ADAM10: variants seen among roughly 807,000 people sequenced by gnomAD.
ADAM10 encodes the protein ADAM metallopeptidase domain 10, also known as disintegrin and metalloproteinase domain-containing protein 10.
ADAM10 carries 17 observed loss-of-function variants against 90.1 expected under a neutral mutation model. The observed-to-expected ratio is 0.19, with a 90% CI of 0.13 to 0.28. The LOEUF is 0.28. Among genes scored for constraint, ADAM10 ranks in the 10% least tolerant of loss-of-function variants. The pLI is 1.00. For missense variants in ADAM10, 610 were observed against 914.3 expected, an observed-to-expected ratio of 0.67 and a Z score of 4.29; for synonymous variants, 310 against 298.6, an observed-to-expected ratio of 1.04 and a Z score of -0.40.
At chr15:58,617,199 C>G (rs974348942) in intron 11 of ADAM10, among the ~76,000 whole-genome samples, 1 of 151,932 alleles carries the variant, frequency 6.6e-6, no homozygotes, top group African/African-American at 2.4e-5. Context: ...AATCCATTAA[C>G]TAGACAAGGA....
chr15:58,625,802 C>T (rs1252949822), intron 10 of ADAM10, among the ~76,000 whole-genome samples: 1 of 152,110 alleles, frequency 6.6e-6, no homozygotes, highest in African/African-American at 2.4e-5. Context: ...ACATACATAC[C>T]ATGGAATACT....
intron 2 of ADAM10, among the ~76,000 whole-genome samples, chr15:58,701,971 C>T (rs1033916528): frequency 2.6e-5 from 4 of 151,754 alleles, no homozygotes; most frequent in African/African-American, 9.7e-5. Context: ...CCAGGCGTGG[C>T]GGCGCACACC....
intron 8 of ADAM10, among the ~76,000 whole-genome samples, chr15:58,634,390 ATTATGATTGTTCCAGTATGTCT>A (rs1896192277): frequency 6.6e-6 from 1 of 152,150 alleles, no homozygotes; most frequent in Non-Finnish European, 1.5e-5. Context: ...TAAAAACTGA[ATTATGATTGTTCCAGTATGTCT>A]TTAGGACACT....
intron 12 of ADAM10, chr15:58,611,388 T>G (rs1278780782): frequency 2.4e-6 from 1 of 413,670 alleles, no homozygotes; most frequent in African/African-American, 2.0e-5. Context: ...ATCGATTTTA[T>G]GTTGGTTATT....
Position 58,597,181 on chromosome 15 carries a change from A to G in ADAM10, c.*366T>C, listed in dbSNP as rs200586511. 1 of 568,886 alleles carries G rather than the reference A, an allele frequency of 1.8e-6. No homozygotes were observed. Among genetic ancestry groups the G allele is most frequent in the Non-Finnish European group, 3.0e-6 (1 of 331,102 alleles). The allele number at this position is 568,886 out of a possible 1,614,324, so 35.2% of individuals were successfully genotyped here. Reference sequence around the variant, plus strand: ...GCCTTGATTGGCAGTTGAAAAAAATATATTTATTTCAATTTGTGGTAAAAG... The same window carrying G: ...GCCTTGATTGGCAGTTGAAAAAAATGTATTTATTTCAATTTGTGGTAAAAG... On this transcript the variant is annotated 3_prime_UTR_variant, in exon 16 of 16. Transcript: ENST00000260408.
intron 14 of ADAM10, among the ~76,000 whole-genome samples, chr15:58,605,405 A>T (rs1352076726): frequency 6.6e-6 from 1 of 152,200 alleles, no homozygotes; most frequent in Non-Finnish European, 1.5e-5. Flanking sequence ...CAAAATAAAT[A>T]GTGCATCTGA....
intron 2 of ADAM10, chr15:58,693,144 C>A (rs764143653): frequency 1.4e-6 from 1 of 735,878 alleles, no homozygotes; most frequent in South Asian, 1.3e-5. Flanking sequence ...CAATTTCTGC[C>A]TAAAAGGCAA....
chr15:58,734,557 G>A (rs1270093737), intron 1 of ADAM10, among the ~76,000 whole-genome samples: 25 of 152,006 alleles, frequency 1.6e-4, no homozygotes, highest in African/African-American at 5.5e-4. Context: ...AAAATCAGCC[G>A]GGCACGGTGG....
chr15:58,635,200 AG>A (rs1896215018), intron 8 of ADAM10, among the ~76,000 whole-genome samples: 2 of 146,658 alleles, frequency 1.4e-5, no homozygotes, highest in African/African-American at 2.5e-5. Flanking sequence ...GCGTGAACCC[AG>A]GAAGTGGAGC....
intron 2 of ADAM10, among the ~76,000 whole-genome samples, chr15:58,693,385 C>T (rs1276248155): frequency 3.3e-5 from 5 of 152,120 alleles, no homozygotes; most frequent in African/African-American, 1.2e-4. Flanking sequence ...CATAAAGCTA[C>T]AGTAACCAAA....
chr15:58,663,028 C>T (rs74017263), intron 5 of ADAM10, among the ~76,000 whole-genome samples: 4,139 of 152,266 alleles, frequency 0.027, 134 homozygotes, highest in East Asian at 0.083. Context: ...TCCTGCAATG[C>T]TTGTTTTCTA....
chr15:58,728,591 GAAAAGAA>G (rs1427359586), intron 1 of ADAM10, among the ~76,000 whole-genome samples: 160 of 150,972 alleles, frequency 1.1e-3, no homozygotes, highest in African/African-American at 3.5e-3. Flanking sequence ...TAAAAAAAAA[GAAAAGAA>G]AAAAGAAAAA....
At chr15:58,629,554 A>G (rs1896042362) in intron 9 of ADAM10, 1 of 152,224 alleles carries the variant, frequency 6.6e-6, no homozygotes, top group South Asian at 2.1e-4. Context: ...TCAAATCAAG[A>G]GAAGCGTTTC....
intron 2 of ADAM10, among the ~76,000 whole-genome samples, chr15:58,689,665 A>G (rs1453990617): frequency 6.6e-6 from 1 of 152,184 alleles, no homozygotes; most frequent in African/African-American, 2.4e-5. Flanking sequence ...ATTGAGTGAT[A>G]AAGTAATATT....
At position 58,715,940 on chromosome 15, in the gene ADAM10, G is replaced by C. The variant is rs1898645536; in HGVS notation, c.206+1637C>G. On this transcript the variant is annotated intron_variant, in intron 2 of 15. Transcript: ENST00000260408. ...AGATTAATATAATTAATAATACTAA[G>C]TATATTTTGAGATGCTCATTAAAAA... is the stretch of plus-strand genomic sequence containing the variant. 2.0e-5 allele frequency among the ~76,000 whole-genome samples: 3 copies of C among 152,084 alleles called. No homozygotes were observed. In the South Asian group the frequency reaches 6.2e-4, roughly 31 times the overall value.
chr15:58,696,076 A>G (rs1406518643), intron 2 of ADAM10, among the ~76,000 whole-genome samples: 1 of 152,140 alleles, frequency 6.6e-6, no homozygotes, highest in African/African-American at 2.4e-5. Flanking sequence ...AGATTGCACC[A>G]CTGCACTCCA....
intron 2 of ADAM10, among the ~76,000 whole-genome samples, chr15:58,685,412 G>A (rs898981184): frequency 6.6e-6 from 1 of 151,002 alleles, no homozygotes; most frequent in Non-Finnish European, 1.5e-5. Flanking sequence ...GCAGTGAGCC[G>A]AGATCACGCC....
At chr15:58,731,222 G>A (rs1348879744) in intron 1 of ADAM10, among the ~76,000 whole-genome samples, 1 of 152,086 alleles carries the variant, frequency 6.6e-6, no homozygotes, top group African/African-American at 2.4e-5. Flanking sequence ...AGTTCCAAAA[G>A]ACAAAACCTG....
At chr15:58,735,811 A>T (rs1567018704) in intron 1 of ADAM10, among the ~76,000 whole-genome samples, 1 of 152,152 alleles carries the variant, frequency 6.6e-6, no homozygotes, top group Non-Finnish European at 1.5e-5. Flanking sequence ...GAATCTTACT[A>T]CCCAGCAAGT....
Sources: allele counts gnomAD v4.1 joint callset (sites outside exome capture counted in the v4.1 genomes callset), GRCh38; gene constraint gnomAD v4.1.1; transcripts MANE v1.5; gene names NCBI Gene and HGNC (gene_info 2026-07-23, HGNC 2026-07-21).